TRHDE: variants seen among roughly 807,000 people sequenced by gnomAD.
TRHDE encodes the protein thyrotropin-releasing hormone-degrading ectoenzyme.
Under a neutral mutation model 125.7 loss-of-function variants are expected in TRHDE, and 72 were observed. The observed-to-expected ratio is 0.57, with a 90% confidence interval of 0.47 to 0.70. The LOEUF (loss-of-function observed/expected upper bound fraction) is 0.70, where lower values mean the gene tolerates loss of function less well. TRHDE is among the 30% of genes least tolerant of loss of function. TRHDE has a pLI of 0.00. For synonymous variants in TRHDE, 509 were observed against 509.1 expected (o/e 1.00, Z 0.00); for missense variants, 1,110 against 1,327.1 (o/e 0.84, Z 2.54).
chr12:72,598,109 G>T (rs934423252), intron 12 of TRHDE, among the ~76,000 whole-genome samples: 13 of 151,786 alleles, frequency 8.6e-5, no homozygotes, highest in Non-Finnish European at 1.5e-4. Context: ...GGAAAACAAA[G>T]AAAAAACTCA....
chr12:72,365,722 CT>C (rs1871314528), intron 2 of TRHDE, among the ~76,000 whole-genome samples: 1 of 152,128 alleles, frequency 6.6e-6, no homozygotes, highest in Admixed American at 6.5e-5. Flanking sequence ...AGTGAATTAA[CT>C]GGCAAGAAGA....
intron 2 of TRHDE, among the ~76,000 whole-genome samples, chr12:72,370,887 C>A (rs1487466382): frequency 6.6e-6 from 1 of 151,982 alleles, no homozygotes; most frequent in Non-Finnish European, 1.5e-5. Context: ...GGATTACAGG[C>A]ATGCACCACC....
intron 12 of TRHDE, among the ~76,000 whole-genome samples, chr12:72,584,934 G>A (rs1871379644): frequency 6.6e-6 from 1 of 152,106 alleles, no homozygotes; most frequent in African/African-American, 2.4e-5. Flanking sequence ...CTCCTAATAA[G>A]CATATAGCCA....
At chr12:72,491,396 G>C (rs146892761) in intron 5 of TRHDE, among the ~76,000 whole-genome samples, 1,701 of 151,990 alleles carry the variant, frequency 0.011, 12 homozygotes, top group Non-Finnish European at 0.017. Context: ...GAAAATGTGA[G>C]TGACTGATTG....
At chr12:72,399,657 T>C (rs1239031832) in intron 3 of TRHDE, among the ~76,000 whole-genome samples, 1 of 152,318 alleles carries the variant, frequency 6.6e-6, no homozygotes, top group African/African-American at 2.4e-5. Context: ...CAGTTTGTAA[T>C]TATTGAGACA....
chr12:72,116,296 T>G (rs1875442057), intron 2 of TRHDE, among the ~76,000 whole-genome samples: 1 of 152,234 alleles, frequency 6.6e-6, no homozygotes, highest in Admixed American at 6.5e-5. Flanking sequence ...GTCTTTGCTA[T>G]TATAAATAGT....
chr12:72,617,410 T>C (rs930666618), intron 12 of TRHDE, among the ~76,000 whole-genome samples: 18 of 152,166 alleles, frequency 1.2e-4, no homozygotes, highest in African/African-American at 3.6e-4. Context: ...AATGTTTGCA[T>C]ATGACATTGA....
chr12:72,295,855 C>T (rs978422956), intron 2 of TRHDE, among the ~76,000 whole-genome samples: 6 of 151,886 alleles, frequency 4.0e-5, no homozygotes, highest in Admixed American at 2.0e-4. Context: ...AATAAGATTG[C>T]GTTACAAATG....
chr12:72,497,581 G>A (rs11179227), intron 5 of TRHDE, among the ~76,000 whole-genome samples: 52 of 152,024 alleles, frequency 3.4e-4, no homozygotes, highest in Non-Finnish European at 6.0e-4. Context: ...CTTTTAATTC[G>A]TATTTCTTAT....
At chr12:72,114,288 T>G (rs902811841) in intron 2 of TRHDE, among the ~76,000 whole-genome samples, 1 of 152,124 alleles carries the variant, frequency 6.6e-6, no homozygotes, top group Non-Finnish European at 1.5e-5. Flanking sequence ...GTGTTAGATG[T>G]GTCCACCCCT....
At chr12:72,215,440 G>T (rs144223111) in intron 2 of TRHDE, among the ~76,000 whole-genome samples, 1 of 152,324 alleles carries the variant, frequency 6.6e-6, no homozygotes, top group African/African-American at 2.4e-5. Context: ...CTTGGCTTGG[G>T]CTCAGAGGCC....
At chr12:72,468,169 G>T (rs186229764) in intron 3 of TRHDE, among the ~76,000 whole-genome samples, 1 of 152,104 alleles carries the variant, frequency 6.6e-6, no homozygotes, top group Non-Finnish European at 1.5e-5. Context: ...CTCTATGCAC[G>T]TGTTCATGTA....
At chr12:72,537,942 T>G (rs986626967) in intron 6 of TRHDE, among the ~76,000 whole-genome samples, 1 of 152,072 alleles carries the variant, frequency 6.6e-6, no homozygotes, top group Non-Finnish European at 1.5e-5. Flanking sequence ...TCTTTTCTTA[T>G]TTCTTATTTC....
Position 72,666,544 on chromosome 12 carries a change from T to G in TRHDE, c.*3349T>G, listed in dbSNP as rs542743728. On this transcript the variant is annotated 3_prime_UTR_variant, in exon 19 of 19. Transcript: ENST00000261180. ...GCCTGGGTGACAGAGTGAGATCCTG[T>G]CTCTAAAAAAATAAAATAAAATCAC... is the stretch of plus-strand genomic sequence containing the variant. 1.3e-5 allele frequency: 2 copies of G among 152,152 alleles called. No homozygotes were observed. The highest frequency in any genetic ancestry group is 1.3e-4 in the Admixed American group (2 of 15,256). The allele number at this position is 152,152 out of a possible 1,614,324, so 9.4% of individuals were successfully genotyped here. A position where few individuals can be genotyped will look rare whatever the true frequency, so the allele number is the denominator to read the frequency against.
At chr12:72,385,404 A>G (rs1024839088) in intron 3 of TRHDE, among the ~76,000 whole-genome samples, 12 of 152,114 alleles carry the variant, frequency 7.9e-5, no homozygotes, top group Admixed American at 2.0e-4. Flanking sequence ...AAGTTTCTTC[A>G]AGGGGCTAAC....
chr12:72,560,745 G>C (rs1208545675), intron 7 of TRHDE: 2 of 152,188 alleles, frequency 1.3e-5, no homozygotes, highest in African/African-American at 4.8e-5. Context: ...AGGATCACTT[G>C]AGCCTGGGAG....
chr12:72,508,742 T>C (rs1878458617), intron 6 of TRHDE, among the ~76,000 whole-genome samples: 1 of 152,098 alleles, frequency 6.6e-6, no homozygotes, highest in Admixed American at 6.5e-5. Context: ...GGACATGAAA[T>C]CTCATTTTAA....
intron 2 of TRHDE, among the ~76,000 whole-genome samples, chr12:72,123,859 A>G (rs892268391): frequency 6.6e-6 from 1 of 152,080 alleles, no homozygotes; most frequent in African/African-American, 2.4e-5. Flanking sequence ...CCACTGATCT[A>G]TTTTATAACT....
intron 1 of TRHDE, among the ~76,000 whole-genome samples, chr12:72,101,311 T>C (rs1875062180): frequency 6.6e-6 from 1 of 152,188 alleles, no homozygotes. Flanking sequence ...GGTGATTATA[T>C]TTCAATAATA....
Sources: allele counts gnomAD v4.1 joint callset (sites outside exome capture counted in the v4.1 genomes callset), GRCh38; gene constraint gnomAD v4.1.1; transcripts MANE v1.5; gene names NCBI Gene and HGNC (gene_info 2026-07-23, HGNC 2026-07-21).